The following CYFIP1 variants were observed in gnomAD, a reference collection of about 807,000 sequenced individuals.
The protein encoded by CYFIP1 is cytoplasmic FMR1 interacting protein 1, also known as cytoplasmic FMR1-interacting protein 1.
In CYFIP1, 58 loss-of-function variants were observed where a neutral mutation model predicts 163.5. The observed-to-expected ratio is 0.35, with a 90% CI of 0.29 to 0.44. CYFIP1 has a LOEUF of 0.44. Ranked by LOEUF, CYFIP1 falls within the 20% of genes least tolerant of loss-of-function variation. CYFIP1 has a pLI of 1.00. For synonymous variants in CYFIP1, 663 were observed against 660.7 expected, an observed-to-expected ratio of 1.00 and a Z score of -0.05; for missense variants, 1,338 against 1,653.8, an observed-to-expected ratio of 0.81 and a Z score of 3.31.
intron 17 of CYFIP1, 111 bp downstream of exon 17, chr15:22,914,615 A>C: frequency 8.3e-7 from 1 of 1,205,084 alleles, no homozygotes; most frequent in Non-Finnish European, 1.1e-6. Flanking sequence ...CAGGCCCAGA[A>C]ACTTGATTTC....
At position 22,868,978 on chromosome 15, in the gene CYFIP1, A is replaced by AAAAT. The variant is rs1555393162; in HGVS notation, c.*1046_*1049dup. ...GAACCTCATTGCCTTAGTACTTTTT[A>AAAAT]AAATATGGCTTTAGTTTCTCAAACA... is the stretch of plus-strand genomic sequence containing the variant. On this transcript the variant is annotated 3_prime_UTR_variant, in exon 31 of 31. Transcript: ENST00000617928. 1 of 152,170 alleles carries AAAAT rather than the reference A, an allele frequency of 6.6e-6. No individual in the cohort carries two copies. Among genetic ancestry groups the AAAAT allele is most frequent in the Non-Finnish European group, 1.5e-5 (1 of 68,026 alleles). 9.4% of individuals were successfully genotyped at this position (152,170 alleles called of 1,614,324 possible).
rs554624438 is a variant in CYFIP1, at chr15:22,912,365, T to C, written c.1986-90A>G. On this transcript the variant is annotated intron_variant, in intron 17 of 30. Transcript: ENST00000617928. ...GCCCCACCTCAGAAACTCAACTCCA[T>C]TTTCCACCTCTCACGTAAGGAAAAA... is the stretch of plus-strand genomic sequence containing the variant. The C allele has an allele frequency of 4.2e-6, 4 of 963,452 alleles. No individual in the cohort carries two copies. In the East Asian group the frequency reaches 8.0e-5, roughly 19 times the overall value. 59.7% of individuals were successfully genotyped at this position (963,452 alleles called of 1,614,324 possible).
rs1595468505 is a variant in CYFIP1 at position 22,868,479 on chromosome 15, A to G, written c.*1549T>C. ...ACTTGGTAATTGATTAAGTTTTACC[A>G]TAATTTTTCATCCTATTCTGTAGTT... On this transcript the variant is annotated 3_prime_UTR_variant, in exon 31 of 31. Transcript: ENST00000617928. 1 of 152,204 alleles carries G rather than the reference A, an allele frequency of 6.6e-6. No individual in the cohort carries two copies. The highest frequency in any genetic ancestry group is 1.5e-5 in the Non-Finnish European group (1 of 68,038). 9.4% of individuals were successfully genotyped at this position (152,204 alleles called of 1,614,324 possible).
intron 23 of CYFIP1, among the ~76,000 whole-genome samples, chr15:22,889,742 A>G (rs1022975066): frequency 1.3e-5 from 2 of 152,104 alleles, no homozygotes; most frequent in African/African-American, 4.8e-5. Context: ...TCAGGGAGTG[A>G]CAAAAACCTA....
intron 1 of CYFIP1, among the ~76,000 whole-genome samples, chr15:22,954,607 G>A (rs770163289): frequency 5.9e-4 from 90 of 152,204 alleles, no homozygotes; most frequent in Middle Eastern, 3.4e-3. Flanking sequence ...AAAATAACAT[G>A]CCCACCCTCG....
intron 22 of CYFIP1, among the ~76,000 whole-genome samples, chr15:22,896,203 A>C (rs2141975015): frequency 6.6e-6 from 1 of 152,218 alleles, no homozygotes; most frequent in South Asian, 2.1e-4. Flanking sequence ...AGGAAAACTA[A>C]GTTTCAGCAC....
intron 1 of CYFIP1, among the ~76,000 whole-genome samples, chr15:22,960,213 A>C (rs951250333): frequency 6.6e-5 from 10 of 151,758 alleles, no homozygotes; most frequent in Non-Finnish European, 1.3e-4. Flanking sequence ...ACTACACCTC[A>C]CTCGCCAATC....
At chr15:22,950,864 A>G (rs766970883) in intron 1 of CYFIP1, among the ~76,000 whole-genome samples, 2 of 152,066 alleles carry the variant, frequency 1.3e-5, no homozygotes, top group Non-Finnish European at 2.9e-5. Context: ...CGCCCATCTC[A>G]CCGCCATCTC....
chr15:22,884,808 G>A (rs7403003), intron 23 of CYFIP1, among the ~76,000 whole-genome samples: 126,614 of 152,054 alleles, frequency 0.83, 52,830 homozygotes, highest in East Asian at 0.94. Flanking sequence ...ATTTCCACAT[G>A]TCCTTTGAAA....
chr15:22,883,714 G>A (rs1057399957), intron 23 of CYFIP1, among the ~76,000 whole-genome samples: 9 of 151,324 alleles, frequency 5.9e-5, no homozygotes, highest in Admixed American at 1.3e-4. Context: ...CTACTCGGGA[G>A]GCTGAGGCAG....
Position 22,947,034 on chromosome 15 carries a change from T to C in CYFIP1, c.176A>G (p.Tyr59Cys). 1 of 1,614,182 alleles carries C rather than the reference T, an allele frequency of 6.2e-7. No homozygotes were observed. The highest frequency in any genetic ancestry group is 8.5e-7 in the Non-Finnish European group (1 of 1,179,982). Residue 59 changes from tyrosine (Y) to cysteine (C), a missense_variant, in exon 3 of 31, where the codon TAC becomes TGC. Transcript: ENST00000617928. Reference sequence around the variant, plus strand: ...AGAGTGGACGGTGGCTTGTTCAATGTATCTTGCGATGCCAGTAACAAATGC... The same window carrying C: ...AGAGTGGACGGTGGCTTGTTCAATGCATCTTGCGATGCCAGTAACAAATGC... ...RNAFVTGIAR[Y>C]IEQATVHSSM...
At chr15:22,903,952 G>C (rs2060487674) in intron 21 of CYFIP1, 47 bp from the exon 22 acceptor site, 1 of 1,579,070 alleles carries the variant, frequency 6.3e-7, no homozygotes, top group Non-Finnish European at 8.6e-7. Context: ...GTCCAGGCAG[G>C]AAGGAGGCGC....
intron 29 of CYFIP1, 143 bp from the exon 30 acceptor site, chr15:22,873,115 ATG>A: frequency 1.1e-6 from 1 of 888,026 alleles, no homozygotes; most frequent in Non-Finnish European, 1.6e-6. Context: ...CAGGAAGAGA[ATG>A]CCGGGCAGCC....
intron 13 of CYFIP1, among the ~76,000 whole-genome samples, chr15:22,923,942 CAAAAAAAA>C (rs916058496): frequency 1.1e-4 from 7 of 61,816 alleles, no homozygotes; most frequent in African/African-American, 1.5e-4. Context: ...ACCTTGTCTC[CAAAAAAAA>C]AAAAAAAAAA....
At chr15:22,871,537 G>C (rs1291919157) in intron 30 of CYFIP1, among the ~76,000 whole-genome samples, 1 of 152,174 alleles carries the variant, frequency 6.6e-6, no homozygotes, top group East Asian at 1.9e-4. Flanking sequence ...CCCTGAGAGA[G>C]GCCCATGACC....
Position 22,935,422 on chromosome 15 carries a change from G to C in CYFIP1, c.901-1529C>G, listed in dbSNP as rs184326327. Among the ~76,000 whole-genome samples the C allele has an allele frequency of 9.5e-3, 1,448 of 152,294 alleles. 52 individuals carry two copies. In the East Asian group the frequency reaches 0.13, roughly 13 times the overall value. On this transcript the variant is annotated intron_variant, in intron 9 of 30. Coordinates refer to ENST00000617928, the MANE Select transcript of CYFIP1 (RefSeq NM_014608.6). ...TACCTCCTACCACGCGCAGAAGTCAGTTCCAGGGGGATTAGATCTAGGTGA... is the reference window on the plus strand; with the variant it reads ...TACCTCCTACCACGCGCAGAAGTCACTTCCAGGGGGATTAGATCTAGGTGA...
intron 1 of CYFIP1, 147 bp downstream of exon 1, chr15:22,980,140 C>A (rs1398435039): frequency 8.0e-6 from 1 of 124,234 alleles, no homozygotes; most frequent in African/African-American, 3.0e-5. Context: ...CCGGAGGCCG[C>A]GCCGCCGGGG....
intron 26 of CYFIP1, among the ~76,000 whole-genome samples, chr15:22,878,559 C>T (rs1010715377): frequency 6.6e-6 from 1 of 151,698 alleles, no homozygotes; most frequent in African/African-American, 2.4e-5. Context: ...AACTTCCATG[C>T]AGAAGGCAAA....
intron 1 of CYFIP1, among the ~76,000 whole-genome samples, chr15:22,971,219 AT>A (rs1216178312): frequency 6.6e-6 from 1 of 152,224 alleles, no homozygotes; most frequent in African/African-American, 2.4e-5. Context: ...GATTTCTTGG[AT>A]ATGACACCAA....
Sources: gnomAD v4.1 joint callset for allele counts (sites outside exome capture counted in the v4.1 genomes callset) on GRCh38, gnomAD v4.1.1 for gene constraint, MANE v1.5 for transcripts, NCBI Gene and HGNC (gene_info 2026-07-23, HGNC 2026-07-21) for gene names.